DLGAP2: variants seen among roughly 807,000 people sequenced by gnomAD.
DLGAP2 encodes disks large-associated protein 2.
In DLGAP2, 26 loss-of-function variants were observed where a neutral mutation model predicts 100.3. That is an observed-to-expected ratio of 0.26 (90% CI 0.19 to 0.36). The LOEUF (loss-of-function observed/expected upper bound fraction) is 0.36, where lower values mean the gene tolerates loss of function less well. Among genes scored for constraint, DLGAP2 ranks in the 10% least tolerant of loss-of-function variants. The probability of loss-of-function intolerance (pLI) is 1.00; values close to 1 mark genes in which losing one functional copy is unlikely to be tolerated. For synonymous variants in DLGAP2, 886 were observed against 630.1 expected, an observed-to-expected ratio of 1.41 and a Z score of -6.08; for missense variants, 1,858 against 1,453.2, an observed-to-expected ratio of 1.28 and a Z score of -4.53.
At chr8:1,266,565 C>T (rs1262738970) in intron 3 of DLGAP2, among the ~76,000 whole-genome samples, 1 of 152,230 alleles carries the variant, frequency 6.6e-6, no homozygotes, top group African/African-American at 2.4e-5. Flanking sequence ...ATAAATTCCA[C>T]ATTCATAATC....
intron 3 of DLGAP2, among the ~76,000 whole-genome samples, chr8:1,280,607 G>A (rs1390246104): frequency 1.3e-5 from 2 of 152,224 alleles, no homozygotes; most frequent in Non-Finnish European, 2.9e-5. Context: ...GGAGTAAGGG[G>A]AATTTTGTTC....
chr8:1,574,257 G>T (rs1425523030), intron 6 of DLGAP2, among the ~76,000 whole-genome samples: 1 of 152,106 alleles, frequency 6.6e-6, no homozygotes, highest in African/African-American at 2.4e-5. Flanking sequence ...TTTAGTGTAT[G>T]GGGGGTAACG....
chr8:1,366,805 A>T (rs2129685616), intron 3 of DLGAP2, among the ~76,000 whole-genome samples: 1 of 152,280 alleles, frequency 6.6e-6, no homozygotes, highest in South Asian at 2.1e-4. Flanking sequence ...GAATAAGAAA[A>T]ATGTAATAAG....
chr8:912,445 T>C (rs1377907801), intron 2 of DLGAP2, among the ~76,000 whole-genome samples: 1 of 152,196 alleles, frequency 6.6e-6, no homozygotes, highest in East Asian at 1.9e-4. Context: ...GTTTATCAAC[T>C]GACTTTCCGA....
chr8:1,161,513 G>A (rs1298360021), intron 2 of DLGAP2, among the ~76,000 whole-genome samples: 6 of 152,174 alleles, frequency 3.9e-5, no homozygotes, highest in Non-Finnish European at 7.3e-5. Context: ...TGTGGGGGCC[G>A]GCACAGGGAG....
At chr8:1,143,328 A>G (rs1388347010) in intron 2 of DLGAP2, among the ~76,000 whole-genome samples, 2 of 152,204 alleles carry the variant, frequency 1.3e-5, no homozygotes, top group Non-Finnish European at 2.9e-5. Flanking sequence ...GGCAATAAGG[A>G]GAATTTCTCT....
chr8:957,288 G>A (rs759571530), intron 2 of DLGAP2, among the ~76,000 whole-genome samples: 3 of 152,232 alleles, frequency 2.0e-5, no homozygotes, highest in South Asian at 2.1e-4. Flanking sequence ...ATGGCACCAC[G>A]GATGACCCTG....
At chr8:1,530,885 C>T (rs538142495) in intron 4 of DLGAP2, among the ~76,000 whole-genome samples, 3 of 152,266 alleles carry the variant, frequency 2.0e-5, no homozygotes, top group African/African-American at 7.2e-5. Flanking sequence ...GAGACTGTTT[C>T]CTATGTGTGA....
chr8:1,557,491 T>C (rs535534428), intron 5 of DLGAP2, among the ~76,000 whole-genome samples: 1 of 152,106 alleles, frequency 6.6e-6, no homozygotes, highest in Non-Finnish European at 1.5e-5. Context: ...TCTCGGCCGA[T>C]TCTGAGAGAA....
At chr8:800,793 G>T (rs72621146) in intron 1 of DLGAP2, among the ~76,000 whole-genome samples, 15,258 of 152,048 alleles carry the variant, frequency 0.1, 1,311 homozygotes, top group East Asian at 0.52. Flanking sequence ...CTGAGAGTGG[G>T]GTTGTGCAGG....
At chr8:1,496,144 G>C (rs12543269) in intron 3 of DLGAP2, among the ~76,000 whole-genome samples, 1,920 of 152,262 alleles carry the variant, frequency 0.013, 48 homozygotes, top group East Asian at 0.11. Context: ...TGGTCCATCG[G>C]TCACTCACCT....
At chr8:835,628 G>T (rs1796858717) in intron 1 of DLGAP2, among the ~76,000 whole-genome samples, 2 of 152,098 alleles carry the variant, frequency 1.3e-5, no homozygotes, top group South Asian at 4.2e-4. Context: ...AGGTTTTGAG[G>T]CACTCTTAAA....
intron 8 of DLGAP2, among the ~76,000 whole-genome samples, chr8:1,636,522 TG>T (rs1797770562): frequency 6.6e-6 from 1 of 152,248 alleles, no homozygotes; most frequent in African/African-American, 2.4e-5. Context: ...CTATGATTTT[TG>T]TTGCTTTTTT....
intron 3 of DLGAP2, among the ~76,000 whole-genome samples, chr8:1,481,047 C>T (rs1410621454): frequency 6.6e-6 from 1 of 151,976 alleles, no homozygotes; most frequent in Non-Finnish European, 1.5e-5. Flanking sequence ...TGGCGGGTGC[C>T]TGTAGTCCCA....
chr8:1,631,947 A>C (rs892254726), intron 7 of DLGAP2, among the ~76,000 whole-genome samples: 1 of 152,222 alleles, frequency 6.6e-6, no homozygotes, highest in African/African-American at 2.4e-5. Context: ...CTGGTGTTTA[A>C]AACAGTGTAT....
chr8:1,621,553 C>T (rs1182810920), intron 6 of DLGAP2: 2 of 152,402 alleles, frequency 1.3e-5, no homozygotes, highest in Non-Finnish European at 2.9e-5. Context: ...TGCAGCCCCA[C>T]CTGCCACGGG....
intron 2 of DLGAP2, among the ~76,000 whole-genome samples, chr8:1,213,423 T>C (rs1291577361): frequency 6.6e-6 from 1 of 152,202 alleles, no homozygotes; most frequent in Non-Finnish European, 1.5e-5. Flanking sequence ...AAATATTGAT[T>C]TCCTAATATT....
chr8:1,422,044 A>C, intron 3 of DLGAP2, among the ~76,000 whole-genome samples: 1 of 152,308 alleles, frequency 6.6e-6, no homozygotes, highest in Non-Finnish European at 1.5e-5. Flanking sequence ...TTTGCTGAGC[A>C]TCTAACACAC....
chr8:1,409,713 C>A (rs13265013), intron 3 of DLGAP2, among the ~76,000 whole-genome samples: 10 of 151,804 alleles, frequency 6.6e-5, no homozygotes, highest in African/African-American at 1.2e-4. Flanking sequence ...GCAGGTGGGC[C>A]TCCCCCAGTC....
Sources: gnomAD v4.1 joint callset for allele counts (sites outside exome capture counted in the v4.1 genomes callset) on GRCh38, gnomAD v4.1.1 for gene constraint, MANE v1.5 for transcripts, NCBI Gene and HGNC (gene_info 2026-07-23, HGNC 2026-07-21) for gene names.